SPIDR: variants seen among roughly 807,000 people sequenced by gnomAD.
The protein encoded by SPIDR is DNA repair-scaffolding protein.
In SPIDR, 93 loss-of-function variants were observed where a neutral mutation model predicts 104.6. That is an observed-to-expected ratio of 0.89 (90% CI 0.75 to 1.06). The LOEUF (loss-of-function observed/expected upper bound fraction) is 1.06. SPIDR is among the 50% of genes least tolerant of loss of function. The pLI, the probability that SPIDR is intolerant of heterozygous loss-of-function variation, is 0.00. For synonymous variants in SPIDR, 431 were observed against 416.9 expected, an observed-to-expected ratio of 1.03 and a Z score of -0.41; for missense variants, 1,154 against 1,111.2, an observed-to-expected ratio of 1.04 and a Z score of -0.55.
intron 10 of SPIDR, among the ~76,000 whole-genome samples, chr8:47,637,618 A>G (rs1197555433): frequency 6.6e-6 from 1 of 152,194 alleles, no homozygotes; most frequent in East Asian, 1.9e-4. Flanking sequence ...TTTATTACAT[A>G]TGATGAGATT....
At chr8:47,466,471 T>C (rs1308808669) in intron 8 of SPIDR, among the ~76,000 whole-genome samples, 3 of 152,160 alleles carry the variant, frequency 2.0e-5, no homozygotes, top group Non-Finnish European at 4.4e-5. Context: ...TCTTTGAAAC[T>C]AGTGAGAACT....
intron 5 of SPIDR, among the ~76,000 whole-genome samples, chr8:47,363,851 T>G (rs2056656804): frequency 6.6e-6 from 1 of 151,554 alleles, no homozygotes; most frequent in South Asian, 2.1e-4. Context: ...GTTTTTTTTT[T>G]TTTTCTCTCT....
Position 47,735,510 on chromosome 8 carries a change from T to A in SPIDR, c.*60T>A. On this transcript the variant is annotated 3_prime_UTR_variant, in exon 20 of 20. Coordinates refer to ENST00000297423, the MANE Select transcript of SPIDR (RefSeq NM_001080394.4). ...GCTGCAAGGGTGGTGGTGGTGGTGG[T>A]GATTTGGGGTAGTTATTTGTTAACT... The A allele has an allele frequency of 6.2e-7, 1 of 1,612,032 alleles. No homozygotes were observed.
intron 7 of SPIDR, among the ~76,000 whole-genome samples, chr8:47,432,122 C>T (rs1754916317): frequency 1.3e-5 from 2 of 152,042 alleles, no homozygotes; most frequent in Non-Finnish European, 2.9e-5. Flanking sequence ...TTACTGAATA[C>T]TTATGGGAGC....
intron 10 of SPIDR, among the ~76,000 whole-genome samples, chr8:47,652,413 A>G (rs1250381902): frequency 6.6e-6 from 1 of 152,208 alleles, no homozygotes; most frequent in Non-Finnish European, 1.5e-5. Flanking sequence ...CAGGCTGGGC[A>G]GGCAGCAGGA....
chr8:47,547,155 G>A, intron 8 of SPIDR: 1 of 604,388 alleles, frequency 1.7e-6, no homozygotes, highest in Non-Finnish European at 3.2e-6. Flanking sequence ...GGTAGCAGAT[G>A]ATGCGAGCAT....
chr8:47,504,548 C>A (rs574454287), intron 8 of SPIDR, among the ~76,000 whole-genome samples: 13 of 152,172 alleles, frequency 8.5e-5, no homozygotes, highest in Admixed American at 1.3e-4. Context: ...AATCTTTTTT[C>A]AAGGTTTTTA....
At chr8:47,439,195 A>G (rs1652874802) in intron 7 of SPIDR, among the ~76,000 whole-genome samples, 1 of 152,188 alleles carries the variant, frequency 6.6e-6, no homozygotes. Flanking sequence ...ACAATATGAC[A>G]CATAAATTTG....
rs148376663 is a variant in SPIDR at position 47,635,499 on chromosome 8, A to G, written c.1544+36303A>G. 1.1e-4 allele frequency among the ~76,000 whole-genome samples: 16 copies of G among 152,320 alleles called. No homozygotes were observed. In the East Asian group the frequency reaches 3.1e-3, roughly 29 times the overall value. On this transcript the variant is annotated intron_variant, in intron 10 of 19. Transcript: ENST00000297423. Reference sequence around the variant, plus strand: ...ACCCCCATAAATATATACACGTACTATGTACCCTCAAAATTTAAAAAAAAT... The same window carrying G: ...ACCCCCATAAATATATACACGTACTGTGTACCCTCAAAATTTAAAAAAAAT...
intron 8 of SPIDR, among the ~76,000 whole-genome samples, chr8:47,524,720 G>A (rs1474911444): frequency 6.6e-6 from 1 of 152,240 alleles, no homozygotes; most frequent in African/African-American, 2.4e-5. Flanking sequence ...CAAGAAAGGA[G>A]TTGCTACTGC....
At chr8:47,718,453 T>C (rs2082891150) in intron 16 of SPIDR, among the ~76,000 whole-genome samples, 1 of 152,206 alleles carries the variant, frequency 6.6e-6, no homozygotes, top group Non-Finnish European at 1.5e-5. Flanking sequence ...TTAGGCAGTT[T>C]TTCCTTCTCA....
chr8:47,396,387 A>G lies in SPIDR; in HGVS notation c.537A>G (p.Ile179Met), dbSNP rs782463319. The G allele has an allele frequency of 1.2e-6, 2 of 1,604,090 alleles. No homozygotes were observed. Among genetic ancestry groups the G allele is most frequent in the Non-Finnish European group, 1.7e-6 (2 of 1,172,452 alleles). The change falls in exon 6 of 20, where the codon ATA becomes ATG. Residue 179 changes from isoleucine (I) to methionine (M), a missense_variant. By Grantham distance (10) the Ile-to-Met change is conservative. Coordinates refer to ENST00000297423, the MANE Select transcript of SPIDR (RefSeq NM_001080394.4). ...KLSELPKPSS[I>M]EILEYSSDSE... ...TAATTTTTTTTCAGCCAAGTTCTATAGAAATTTTAGAGTATTCATCAGATA... is the reference window on the plus strand; with the variant it reads ...TAATTTTTTTTCAGCCAAGTTCTATGGAAATTTTAGAGTATTCATCAGATA...
At chr8:47,323,602 T>C (rs1390731943) in intron 5 of SPIDR, among the ~76,000 whole-genome samples, 2 of 152,188 alleles carry the variant, frequency 1.3e-5, no homozygotes, top group African/African-American at 4.8e-5. Context: ...TTAACTTTTT[T>C]TTAGATCCAA....
Position 47,595,895 on chromosome 8 carries a change from A to G in SPIDR, c.1182A>G (p.Ser394=). 1 of 1,614,258 alleles carries G rather than the reference A, an allele frequency of 6.2e-7. No homozygotes were observed. The highest frequency in any genetic ancestry group is 8.5e-7 in the Non-Finnish European group (1 of 1,180,038). ...FCEKVVAKED[S]EKTCEVYCPD... is the part of the protein sequence containing the mutation. Reference sequence around the variant, plus strand: ...AGAAAGTTGTTGCCAAAGAAGATTCAGAAAAAACTTGTGAAGTGTACTGTC... The same window carrying G: ...AGAAAGTTGTTGCCAAAGAAGATTCGGAAAAAACTTGTGAAGTGTACTGTC... The change falls in exon 9 of 20, where the codon TCA becomes TCG. Residue 394 remains serine (S), a synonymous_variant. Transcript: ENST00000297423.
At chr8:47,713,251 A>C in intron 15 of SPIDR, 1 of 618,786 alleles carries the variant, frequency 1.6e-6, no homozygotes, top group Non-Finnish European at 2.7e-6. Flanking sequence ...TTGAGTCATA[A>C]TTCACATGCC....
chr8:47,682,264 AAAAAAAAAAAAC>A (rs1452827891), intron 11 of SPIDR, among the ~76,000 whole-genome samples: 2 of 150,598 alleles, frequency 1.3e-5, no homozygotes, highest in Non-Finnish European at 3.0e-5. Context: ...CAAAAAAAAA[AAAAAAAAAAAAC>A]CCAGACACAA....
At chr8:47,500,285 T>C (rs1028471611) in intron 8 of SPIDR, among the ~76,000 whole-genome samples, 5 of 152,136 alleles carry the variant, frequency 3.3e-5, no homozygotes, top group Admixed American at 6.6e-5. Flanking sequence ...CCTATTTCTC[T>C]ACATCCTCTC....
chr8:47,310,333 C>G (rs1297798221), intron 5 of SPIDR, among the ~76,000 whole-genome samples: 3 of 54,876 alleles, frequency 5.5e-5, no homozygotes, highest in African/African-American at 1.9e-4. Flanking sequence ...GACTCCATCT[C>G]AAAAAAAAAA....
chr8:47,260,893 T>G (rs746841390), upstream of SPIDR: 3,798 of 1,187,580 alleles, frequency 3.2e-3, 2 homozygotes, highest in Non-Finnish European at 3.6e-3. Flanking sequence ...CAGGGCGCGG[T>G]GCGGCGCGCC....
Sources: allele counts gnomAD v4.1 joint callset (sites outside exome capture counted in the v4.1 genomes callset), GRCh38; gene constraint gnomAD v4.1.1; transcripts MANE v1.5; gene names NCBI Gene and HGNC (gene_info 2026-07-23, HGNC 2026-07-21).